The following C3orf20 variants were observed in gnomAD, a reference collection of about 807,000 sequenced individuals.
C3orf20 encodes family with sequence similarity 149 member C, also known as uncharacterized protein C3orf20.
Under a neutral mutation model 88.3 loss-of-function variants are expected in C3orf20, and 76 were observed. That is an observed-to-expected ratio of 0.86 (90% CI 0.72 to 1.04). C3orf20 has a LOEUF of 1.04. Among genes scored for constraint, C3orf20 ranks in the 50% least tolerant of loss-of-function variants. The probability of loss-of-function intolerance (pLI) is 0.00; values close to 1 mark genes in which losing one functional copy is unlikely to be tolerated. For missense variants in C3orf20, 1,056 were observed against 1,123.3 expected (o/e 0.94, Z 0.86); for synonymous variants, 436 against 437.4 (o/e 1.00, Z 0.04).
intron 1 of C3orf20, among the ~76,000 whole-genome samples, chr3:14,679,090 G>A (rs114572494): frequency 2.8e-3 from 430 of 152,324 alleles, no homozygotes; most frequent in African/African-American, 9.9e-3. Flanking sequence ...TAGAATGCCT[G>A]TCTTGTTCCT....
In C3orf20 at chr3:14,703,242, G is replaced by A. The variant is rs755292427; in HGVS notation, c.858G>A (p.Leu286=). The change falls in exon 6 of 17, where the codon CTG becomes CTA. Residue 286 remains leucine (L), a synonymous_variant. Transcript: ENST00000253697. ...CCTGCCCTGAGGCCCGGGAGAAGCT[G>A]CAGGAGTTGTGTCGCCACATGTGAG... ...SDPCPEAREK[L]QELCRHIEAE... The A allele has an allele frequency of 1.3e-5, 21 of 1,614,020 alleles. No homozygotes were observed. The highest frequency in any genetic ancestry group is 1.7e-5 in the Non-Finnish European group (20 of 1,180,040).
At chr3:14,756,101 A>T (rs1049652114) in intron 12 of C3orf20, among the ~76,000 whole-genome samples, 1 of 150,840 alleles carries the variant, frequency 6.6e-6, no homozygotes, top group African/African-American at 2.4e-5. Flanking sequence ...CAGAGTTGTT[A>T]TAAAATTAAC....
In C3orf20 at chr3:14,726,836, C is replaced by G. The variant is rs527371095; in HGVS notation, c.1567-65C>G. ...TGAACCGGAGCAAGTCTTAGTTATCCTGGACTAGGCAGCTGGCTCTTTGAG... is the reference window on the plus strand; with the variant it reads ...TGAACCGGAGCAAGTCTTAGTTATCGTGGACTAGGCAGCTGGCTCTTTGAG... On this transcript the variant is annotated intron_variant, in intron 10 of 16. Coordinates refer to ENST00000253697, the MANE Select transcript of C3orf20 (RefSeq NM_032137.5). 3.1e-6 allele frequency: 5 copies of G among 1,607,504 alleles called. No individual in the cohort carries two copies. In the African/African-American group the frequency reaches 4.0e-5, roughly 13 times the overall value.
Position 14,684,354 on chromosome 3 carries a change from T to G in C3orf20, c.597T>G (p.Ser199Arg). The G allele has an allele frequency of 6.2e-7, 1 of 1,613,952 alleles. No individual in the cohort carries two copies. Among genetic ancestry groups the G allele is most frequent in the South Asian group, 1.1e-5 (1 of 91,074 alleles). Residue 199 changes from serine (S) to arginine (R), a missense_variant, in exon 4 of 17, where the codon AGT becomes AGG. Ser to Arg is a moderately radical substitution (Grantham distance 110). Transcript: ENST00000253697. ...GCCTGATCAGCACAGCCGGGAGAAGTGGCTACAGCAGCGGACAGTTGTGGA... is the reference window on the plus strand; with the variant it reads ...GCCTGATCAGCACAGCCGGGAGAAGGGGCTACAGCAGCGGACAGTTGTGGA... Reference protein sequence around the residue: ...FNCLISTAGRSGYSSGQLWKE... With the variant: ...FNCLISTAGRRGYSSGQLWKE...
At chr3:14,721,552 G>T in intron 9 of C3orf20, 101 bp from the exon 10 acceptor site, 1 of 1,488,070 alleles carries the variant, frequency 6.7e-7, no homozygotes, top group Admixed American at 2.1e-5. Context: ...CAAATCTTCT[G>T]CCCCAAGCCA....
intron 7 of C3orf20, among the ~76,000 whole-genome samples, chr3:14,711,305 TTC>T (rs1414413396): frequency 2.0e-5 from 3 of 152,198 alleles, no homozygotes; most frequent in Admixed American, 2.0e-4. Context: ...CTTCCTTTAA[TTC>T]TGTCAGTTTT....
intron 9 of C3orf20, among the ~76,000 whole-genome samples, chr3:14,718,489 T>A (rs2034021785): frequency 6.6e-6 from 1 of 152,218 alleles, no homozygotes; most frequent in Non-Finnish European, 1.5e-5. Flanking sequence ...TAAATTAGTG[T>A]TTTAATGTCC....
intron 1 of C3orf20, among the ~76,000 whole-genome samples, chr3:14,678,219 C>T (rs192940430): frequency 2.0e-5 from 3 of 152,204 alleles, no homozygotes; most frequent in African/African-American, 4.8e-5. Context: ...CTCTGTGCTG[C>T]GTGTGTGCTG....
intron 7 of C3orf20, among the ~76,000 whole-genome samples, chr3:14,708,216 C>T (rs1289506729): frequency 6.6e-6 from 1 of 152,154 alleles, no homozygotes. Context: ...GATAAGGTTC[C>T]AATTTCTTTC....
intron 4 of C3orf20, 64 bp downstream of exon 4, chr3:14,684,446 A>G: frequency 1.3e-6 from 2 of 1,570,440 alleles, no homozygotes; most frequent in Non-Finnish European, 1.7e-6. Context: ...AATGCAATGG[A>G]AAGGCAAAAC....
At chr3:14,726,027 G>A (rs1397299473) in intron 10 of C3orf20, among the ~76,000 whole-genome samples, 1 of 152,234 alleles carries the variant, frequency 6.6e-6, no homozygotes, top group Non-Finnish European at 1.5e-5. Context: ...AACTGGGCCT[G>A]ATTTTGCAGT....
chr3:14,676,116 C>CCT (rs551950684), intron 1 of C3orf20, among the ~76,000 whole-genome samples: 3 of 134,094 alleles, frequency 2.2e-5, no homozygotes, highest in Non-Finnish European at 3.1e-5. Flanking sequence ...TCCCCCCCGC[C>CCT]TTTTTTTTTT....
rs771564723 is a variant in C3orf20 at position 14,772,059 on chromosome 3, C to T, written c.2496-8C>T. On this transcript the variant is annotated splice_polypyrimidine_tract_variant and splice_region_variant and intron_variant, in intron 15 of 16. Coordinates refer to ENST00000253697, the MANE Select transcript of C3orf20 (RefSeq NM_032137.5). The surrounding 1 kb of genome is among the most constrained non-coding windows in gnomAD (Gnocchi z 4.2). Reference sequence around the variant, plus strand: ...TGAGCACTGCCCCCGACCCTGCCTCCCCTGCAGTGTTCCCAACTCTGTCCT... The same window carrying T: ...TGAGCACTGCCCCCGACCCTGCCTCTCCTGCAGTGTTCCCAACTCTGTCCT... 1 of 1,614,200 alleles carries T rather than the reference C, an allele frequency of 6.2e-7. No individual in the cohort carries two copies. Among genetic ancestry groups the T allele is most frequent in the African/African-American group, 1.3e-5 (1 of 75,072 alleles).
At chr3:14,712,204 A>G (rs1293449753) in intron 7 of C3orf20, among the ~76,000 whole-genome samples, 1 of 151,892 alleles carries the variant, frequency 6.6e-6, no homozygotes, top group Non-Finnish European at 1.5e-5. Flanking sequence ...ACACACACAC[A>G]CACACACACA....
At chr3:14,706,013 A>G (rs1559409462) in intron 7 of C3orf20, among the ~76,000 whole-genome samples, 1 of 152,148 alleles carries the variant, frequency 6.6e-6, no homozygotes, top group Non-Finnish European at 1.5e-5. Context: ...TCTCATTTTA[A>G]TAATAAAATC....
chr3:14,678,351 C>T (rs1435514927), intron 1 of C3orf20, among the ~76,000 whole-genome samples: 1 of 152,208 alleles, frequency 6.6e-6, no homozygotes, highest in Non-Finnish European at 1.5e-5. Flanking sequence ...ATTGCCTAAA[C>T]ACACATTCAT....
intron 13 of C3orf20, 150 bp from the exon 14 acceptor site, chr3:14,759,741 C>G: frequency 1.5e-6 from 1 of 663,748 alleles, no homozygotes; most frequent in Non-Finnish European, 2.7e-6. Flanking sequence ...GCATGCAGGC[C>G]CAAGGGCCCC....
chr3:14,756,792 AAGCACATGGC>A (rs2125029991), intron 12 of C3orf20, among the ~76,000 whole-genome samples: 1 of 152,342 alleles, frequency 6.6e-6, no homozygotes, highest in Admixed American at 6.5e-5. Context: ...TGCAGCCTTG[AAGCACATGGC>A]AGGGACTTTG....
Position 14,701,402 on chromosome 3 carries a change from G to A in C3orf20, c.746-1728G>A, listed in dbSNP as rs2033254707. Among the ~76,000 whole-genome samples, 1 of 152,154 alleles carries A rather than the reference G, an allele frequency of 6.6e-6. No homozygotes were observed. Among genetic ancestry groups the A allele is most frequent in the Non-Finnish European group, 1.5e-5 (1 of 68,032 alleles). On this transcript the variant is annotated intron_variant, in intron 5 of 16. Transcript: ENST00000253697. This position sits in a 1 kb window ranked among gnomAD's most constrained non-coding sequence, Gnocchi z 4.6. ...AGTTAAGCCTGCATACTTCGAGGCT[G>A]CAGCTGGGTGGGAGTCAGAGGTTCA...
Sources: allele counts gnomAD v4.1 joint callset (sites outside exome capture counted in the v4.1 genomes callset), GRCh38; gene constraint gnomAD v4.1.1; non-coding constraint Gnocchi (gnomAD v3.1); transcripts MANE v1.5; gene names NCBI Gene and HGNC (gene_info 2026-07-23, HGNC 2026-07-21).